Variants in RLN2 observed in about 807,000 individuals in gnomAD.
RLN2 encodes the protein prorelaxin H2.
In RLN2, 10 loss-of-function variants were observed where a neutral mutation model predicts 7.3. The ratio of observed to expected loss-of-function variants is 1.36; its 90% confidence interval spans 0.84 to 2.31. The LOEUF is 2.31. RLN2 is among the 30% of genes most tolerant of loss of function. RLN2 has a pLI of 0.00. For synonymous variants in RLN2, 103 were observed against 82.3 expected, an observed-to-expected ratio of 1.25 and a Z score of -1.36; for missense variants, 298 against 217.6, an observed-to-expected ratio of 1.37 and a Z score of -2.32.
chr9:5,333,315 A>C, the RLN2 span, among the ~76,000 whole-genome samples: 959 of 152,062 alleles, frequency 6.3e-3, 17 homozygotes, highest in African/African-American at 0.022. Flanking sequence ...GATTCAAATA[A>C]ACACAATCCA....
At chr9:5,336,230 G>C in the RLN2 span, among the ~76,000 whole-genome samples, 1 of 152,040 alleles carries the variant, frequency 6.6e-6, no homozygotes, top group Non-Finnish European at 1.5e-5. Context: ...TATTTTATAT[G>C]AAAGAGAGAA....
At chr9:5,318,746 A>AT in the RLN2 span, among the ~76,000 whole-genome samples, 1,042 of 151,108 alleles carry the variant, frequency 6.9e-3, 29 homozygotes, top group African/African-American at 0.024. Context: ...TGAGGATTCT[A>AT]TTTTTTTTTA....
At chr9:5,329,219 C>A in the RLN2 span, among the ~76,000 whole-genome samples, 2 of 144,302 alleles carry the variant, frequency 1.4e-5, no homozygotes, top group Admixed American at 1.4e-4. Flanking sequence ...AGGAGAATGG[C>A]GTGAACCCGG....
the RLN2 span, among the ~76,000 whole-genome samples, chr9:5,326,078 A>G: frequency 6.6e-6 from 1 of 152,260 alleles, no homozygotes; most frequent in Admixed American, 6.5e-5. Flanking sequence ...GCAGTTTAGG[A>G]GCATCACATT....
the RLN2 span, among the ~76,000 whole-genome samples, chr9:5,322,074 C>A: frequency 3.3e-5 from 5 of 152,018 alleles, no homozygotes; most frequent in African/African-American, 1.2e-4. Flanking sequence ...TGGATGGGTA[C>A]AGCAAAGCCT....
At chr9:5,315,163 A>G in the RLN2 span, among the ~76,000 whole-genome samples, 4 of 152,094 alleles carry the variant, frequency 2.6e-5, no homozygotes, top group Admixed American at 2.6e-4. Context: ...GGAATTAAAA[A>G]TAATAATCTT....
the RLN2 span, among the ~76,000 whole-genome samples, chr9:5,317,500 G>C: frequency 2.0e-5 from 3 of 149,374 alleles, no homozygotes. Flanking sequence ...AGCTCTGAGG[G>C]AGAACTGGCC....
the RLN2 span, among the ~76,000 whole-genome samples, chr9:5,324,306 CTTCTAA>C: frequency 6.6e-6 from 1 of 151,990 alleles, no homozygotes. Flanking sequence ...CTCAATATAA[CTTCTAA>C]TACTCAGAGG....
upstream of RLN2, chr9:5,304,771 T>TCCCACACCCCTCC: frequency 1.6e-6 from 1 of 613,102 alleles, no homozygotes; most frequent in Non-Finnish European, 2.9e-6. Context: ...TCCACCCCTT[T>TCCCACACCCCTCC]CCCACACCCC....
the RLN2 span, among the ~76,000 whole-genome samples, chr9:5,325,728 G>A: frequency 6.6e-6 from 1 of 152,032 alleles, no homozygotes; most frequent in East Asian, 1.9e-4. Flanking sequence ...ATTGTTATAT[G>A]AGGAAAATGG....
chr9:5,317,451 TA>T, the RLN2 span, among the ~76,000 whole-genome samples: 651 of 141,644 alleles, frequency 4.6e-3, 6 homozygotes, highest in Admixed American at 7.3e-3. Context: ...GACTCTGTCT[TA>T]AAAAAAAAAA....
chr9:5,327,942 C>T, the RLN2 span, among the ~76,000 whole-genome samples: 17 of 151,966 alleles, frequency 1.1e-4, no homozygotes, highest in East Asian at 1.2e-3. Flanking sequence ...TAGATAAAAC[C>T]GCAAAGATAG....
At chr9:5,333,148 T>G in the RLN2 span, among the ~76,000 whole-genome samples, 3 of 152,032 alleles carry the variant, frequency 2.0e-5, no homozygotes, top group Non-Finnish European at 2.9e-5. Context: ...AATGGTGGAC[T>G]TCTTATTAAT....
At chr9:5,304,795 C>G (rs1816212910), upstream of RLN2, 1 of 588,174 alleles carries the variant, frequency 1.7e-6, no homozygotes, top group Admixed American at 3.0e-5. Flanking sequence ...ACAGAATTTT[C>G]CCCCTCAGCT....
At chr9:5,322,973 T>A in the RLN2 span, among the ~76,000 whole-genome samples, 1 of 151,754 alleles carries the variant, frequency 6.6e-6, no homozygotes, top group Non-Finnish European at 1.5e-5. Context: ...CTGCTTAAAG[T>A]ATAATTTCCC....
chr9:5,309,922 T>G, the RLN2 span, among the ~76,000 whole-genome samples: 2 of 152,016 alleles, frequency 1.3e-5, no homozygotes, highest in East Asian at 3.9e-4. Flanking sequence ...CCCAGATTAC[T>G]AGAACTAGGG....
At chr9:5,336,999 C>T in the RLN2 span, among the ~76,000 whole-genome samples, 1 of 151,644 alleles carries the variant, frequency 6.6e-6, no homozygotes, top group Non-Finnish European at 1.5e-5. Context: ...AAAAACAAAA[C>T]AAAACAAAAC....
At chr9:5,301,484 T>C (rs1816134456) in intron 1 of RLN2, among the ~76,000 whole-genome samples, 1 of 152,232 alleles carries the variant, frequency 6.6e-6, no homozygotes, top group Non-Finnish European at 1.5e-5. Flanking sequence ...GTCCTAATTA[T>C]ACAACTTAAT....
chr9:5,312,427 A>G, the RLN2 span, among the ~76,000 whole-genome samples: 1 of 152,018 alleles, frequency 6.6e-6, no homozygotes, highest in South Asian at 2.1e-4. Flanking sequence ...GGATCTTCAG[A>G]TAAATTCTGC....
Sources: gnomAD v4.1 joint callset for allele counts (sites outside exome capture counted in the v4.1 genomes callset) on GRCh38, gnomAD v4.1.1 for gene constraint, MANE v1.5 for transcripts, NCBI Gene and HGNC (gene_info 2026-07-23, HGNC 2026-07-21) for gene names.